LRRC43: variants seen among roughly 807,000 people sequenced by gnomAD.
LRRC43 encodes leucine-rich repeat-containing protein 43.
In LRRC43, 62 loss-of-function variants were observed where a neutral mutation model predicts 64.3. That is an observed-to-expected ratio of 0.96 (90% CI 0.79 to 1.19). The LOEUF (loss-of-function observed/expected upper bound fraction) is 1.19. Among genes scored for constraint, LRRC43 ranks in the 50% most tolerant of loss-of-function variants. LRRC43 has a pLI of 0.00. For missense variants in LRRC43, 868 were observed against 845.0 expected (o/e 1.03, Z -0.34); for synonymous variants, 422 against 382.3 (o/e 1.10, Z -1.21).
chr12:122,198,987 T>G (rs1428177848), intron 7 of LRRC43, among the ~76,000 whole-genome samples: 1 of 150,176 alleles, frequency 6.7e-6, no homozygotes, highest in African/African-American at 2.4e-5. Flanking sequence ...TCACGATTTT[T>G]TTTTTTTTTT....
At chr12:122,168,583 T>C (rs1049440503) in intron 1 of LRRC43, among the ~76,000 whole-genome samples, 3 of 152,148 alleles carry the variant, frequency 2.0e-5, no homozygotes, top group Non-Finnish European at 2.9e-5. Context: ...CCACAGCACC[T>C]GACCTATTTT....
intron 5 of LRRC43, among the ~76,000 whole-genome samples, chr12:122,191,029 C>T (rs12810587): frequency 0.28 from 42,800 of 151,994 alleles, 7,183 homozygotes; most frequent in East Asian, 0.75. Flanking sequence ...CAATCAGCTT[C>T]TTCACCTCCC....
At position 122,183,209 on chromosome 12, in the gene LRRC43, C is replaced by T. The variant is rs1446768421; in HGVS notation, c.65C>T (p.Pro22Leu). 2.6e-6 allele frequency: 4 copies of T among 1,560,948 alleles called. No homozygotes were observed. The East Asian group carries it at 9.8e-5, about 38-fold the overall frequency. Residue 22 changes from proline (P) to leucine (L), a missense_variant, in exon 1 of 12, where the codon CCC (proline) becomes CTC (leucine). Pro to Leu is a moderately conservative substitution (Grantham distance 98). Coordinates refer to ENST00000339777, the MANE Select transcript of LRRC43 (RefSeq NM_001098519.2). ...GAGGCCGGGCCTGGGACTCAGCGGCCCGGGACCGGGACCGTGAGCGCGGCC... is the reference window on the plus strand; with the variant it reads ...GAGGCCGGGCCTGGGACTCAGCGGCTCGGGACCGGGACCGTGAGCGCGGCC... Reference protein sequence around the residue: ...ESEAGPGTQRPGTGTVSAAVR... With the variant: ...ESEAGPGTQRLGTGTVSAAVR...
chr12:122,183,187 G>A lies in LRRC43; in HGVS notation c.43G>A (p.Ala15Thr). The A allele has an allele frequency of 2.6e-6, 4 of 1,560,050 alleles. No homozygotes were observed. Among genetic ancestry groups the A allele is most frequent in the Non-Finnish European group, 3.4e-6 (4 of 1,160,568 alleles). The change falls in exon 1 of 12, where the codon GCC (alanine) becomes ACC (threonine). Residue 15 changes from alanine to threonine, a missense_variant. Transcript: ENST00000339777. ...GTCCGAGTCCGAGTCCGAGTCTGAGGCCGGGCCTGGGACTCAGCGGCCCGG... is the reference window on the plus strand; with the variant it reads ...GTCCGAGTCCGAGTCCGAGTCTGAGACCGGGCCTGGGACTCAGCGGCCCGG... Reference protein sequence around the residue: ...YESESESESEAGPGTQRPGTG... With the variant: ...YESESESESETGPGTQRPGTG...
chr12:122,183,320 G>C lies in LRRC43; in HGVS notation c.150+26G>C, dbSNP rs780884578. ...GTGCGGGCGCCGGGGCCGGAACTCT[G>C]GGGGCCTGGACCGGCTGCGGGGAGG... On this transcript the variant is annotated intron_variant, in intron 1 of 11. Transcript: ENST00000339777. 64 of 1,463,072 alleles carry C rather than the reference G, an allele frequency of 4.4e-5. No homozygotes were observed. The Admixed American group carries it at 1.4e-3, about 33-fold the overall frequency. The allele number at this position is 1,463,072 out of a possible 1,614,324, so 90.6% of individuals were successfully genotyped here.
At chr12:122,185,194 G>A (rs1444862034) in intron 2 of LRRC43, among the ~76,000 whole-genome samples, 1 of 152,178 alleles carries the variant, frequency 6.6e-6, no homozygotes, top group Non-Finnish European at 1.5e-5. Flanking sequence ...GCCCAGTCTC[G>A]GCATGGTGGC....
chr12:122,182,624 C>T (rs987834736), upstream of LRRC43, among the ~76,000 whole-genome samples: 1 of 151,614 alleles, frequency 6.6e-6, no homozygotes, highest in Non-Finnish European at 1.5e-5. Context: ...ACCCGGGACA[C>T]GGAGATTGCG....
At chr12:122,169,170 G>A (rs143658107) in intron 1 of LRRC43, among the ~76,000 whole-genome samples, 18 of 152,218 alleles carry the variant, frequency 1.2e-4, no homozygotes, top group South Asian at 2.1e-4. Context: ...AGTCCCACCC[G>A]CCTTCAAGAT....
chr12:122,194,897 G>A (rs1263191446), intron 7 of LRRC43, among the ~76,000 whole-genome samples: 1 of 152,122 alleles, frequency 6.6e-6, no homozygotes, highest in Non-Finnish European at 1.5e-5. Flanking sequence ...GTTGTCTTAT[G>A]CTATTGCATT....
chr12:122,182,369 C>CA (rs938683042), upstream of LRRC43, among the ~76,000 whole-genome samples: 20 of 152,088 alleles, frequency 1.3e-4, no homozygotes, highest in Non-Finnish European at 2.9e-4. Context: ...ACTAAAAATA[C>CA]ACATTAGCGG....
At chr12:122,173,606 C>G (rs939657627) in intron 1 of LRRC43, among the ~76,000 whole-genome samples, 3 of 152,068 alleles carry the variant, frequency 2.0e-5, no homozygotes, top group African/African-American at 4.8e-5. Flanking sequence ...ATCGCTTGAA[C>G]CCAGGAAGCA....
intron 5 of LRRC43, 92 bp downstream of exon 5, chr12:122,190,460 T>C: frequency 1.0e-6 from 1 of 1,001,804 alleles, no homozygotes; most frequent in South Asian, 1.5e-5. Flanking sequence ...TGTACCCGTC[T>C]GTCCTGCAAC....
chr12:122,195,945 G>A (rs1259013664), intron 7 of LRRC43, among the ~76,000 whole-genome samples: 2 of 152,182 alleles, frequency 1.3e-5, no homozygotes, highest in Non-Finnish European at 2.9e-5. Flanking sequence ...CCTCCTTGGA[G>A]GGCTTTGAAC....
chr12:122,193,114 C>T (rs1486848395), intron 7 of LRRC43, 110 bp downstream of exon 7: 2 of 1,176,344 alleles, frequency 1.7e-6, no homozygotes, highest in East Asian at 2.6e-5. Context: ...GGCGCGGTGG[C>T]TCACGTCTGT....
chr12:122,178,500 G>A (rs1566004723), upstream of LRRC43, among the ~76,000 whole-genome samples: 2 of 151,938 alleles, frequency 1.3e-5, no homozygotes, highest in Non-Finnish European at 2.9e-5. Context: ...GGTGAGAAGA[G>A]GGTAATAGTG....
rs1953830309 is a variant in LRRC43, at chr12:122,200,856, C to CG, written c.1735dup (p.Glu579GlyfsTer19). The stretch of plus-strand genomic sequence containing the variant: ...TGGTGATCCTGGAGCCCCTGCTCGC[C>CG]GGGGAGCCCCTGGTGTCCACCGTGT... On this transcript the variant is annotated frameshift_variant, in exon 10 of 12. Coordinates refer to ENST00000339777, the MANE Select transcript of LRRC43 (RefSeq NM_001098519.2). LOFTEE classifies it high-confidence loss of function. The surrounding 1 kb of genome is among the most constrained non-coding windows in gnomAD (Gnocchi z 4.6). 1.2e-6 allele frequency: 2 copies of CG among 1,612,956 alleles called. No individual in the cohort carries two copies. Among genetic ancestry groups the CG allele is most frequent in the Admixed American group, 1.7e-5 (1 of 59,950 alleles).
At chr12:122,198,324 C>T (rs550775534) in intron 7 of LRRC43, among the ~76,000 whole-genome samples, 30 of 152,076 alleles carry the variant, frequency 2.0e-4, no homozygotes, top group African/African-American at 6.8e-4. Flanking sequence ...CATGTTAAAG[C>T]GTATGAGTCG....
At chr12:122,172,415 A>C (rs749201129) in intron 1 of LRRC43, 4 of 1,609,768 alleles carry the variant, frequency 2.5e-6, no homozygotes, top group African/African-American at 1.3e-5. Flanking sequence ...GATGGCCTTA[A>C]GTGGTGGCCT....
At position 122,200,700 on chromosome 12, in the gene LRRC43, C is replaced by T. The variant is rs751126654; in HGVS notation, c.1620+40C>T. On this transcript the variant is annotated intron_variant, in intron 9 of 11. Coordinates refer to ENST00000339777, the MANE Select transcript of LRRC43 (RefSeq NM_001098519.2). The surrounding 1 kb of genome is among the most constrained non-coding windows in gnomAD (Gnocchi z 4.6). ...TGCTGGGGAGGGCAGCCTGGCCACA[C>T]CCTTGCTTCAACTTGTCCCACCCTC... 1 of 1,613,164 alleles carries T rather than the reference C, an allele frequency of 6.2e-7. No homozygotes were observed. Among genetic ancestry groups the T allele is most frequent in the African/African-American group, 1.3e-5 (1 of 74,918 alleles).
Sources: gnomAD v4.1 joint callset for allele counts (sites outside exome capture counted in the v4.1 genomes callset) on GRCh38, gnomAD v4.1.1 for gene constraint, Gnocchi (gnomAD v3.1) non-coding constraint, MANE v1.5 for transcripts, NCBI Gene and HGNC (gene_info 2026-07-23, HGNC 2026-07-21) for gene names.